The following KCNMA1 variants were observed in gnomAD, a reference collection of about 807,000 sequenced individuals.
KCNMA1 encodes potassium calcium-activated channel subfamily M alpha 1, also known as Calcium-activated potassium channel subunit alpha-1.
Under a neutral mutation model 140.0 loss-of-function variants are expected in KCNMA1, and 29 were observed. The observed-to-expected ratio is 0.21, with a 90% confidence interval of 0.15 to 0.28. The LOEUF is 0.28. Ranked by LOEUF, KCNMA1 falls within the 10% of genes least tolerant of loss-of-function variation. KCNMA1 has a pLI of 1.00. For synonymous variants in KCNMA1, 612 were observed against 611.9 expected (o/e 1.00, Z 0.00); for missense variants, 880 against 1,602.2 (o/e 0.55, Z 7.70).
chr10:77,516,054 C>G (rs991730883), intron 1 of KCNMA1, among the ~76,000 whole-genome samples: 2 of 152,200 alleles, frequency 1.3e-5, no homozygotes, highest in Admixed American at 1.3e-4. Context: ...TGAGCACTGG[C>G]CTATACCAGG....
chr10:77,386,382 T>A (rs531088846), intron 2 of KCNMA1, among the ~76,000 whole-genome samples: 1 of 152,230 alleles, frequency 6.6e-6, no homozygotes, highest in African/African-American at 2.4e-5. Flanking sequence ...ATTCCCATTA[T>A]GCTGGAAGGG....
Position 76,988,876 on chromosome 10 carries a change from C to A in KCNMA1, c.2266+12531G>T, listed in dbSNP as rs115180852. On this transcript the variant is annotated intron_variant, in intron 19 of 27. Coordinates refer to ENST00000286628, the MANE Select transcript of KCNMA1 (RefSeq NM_001161352.2). ...ATCCATCAAATCTGTACTATTCCAA[C>A]TAGGAAGCCTCTTTTGCCTGGAGAT... 4.7e-3 allele frequency among the ~76,000 whole-genome samples: 715 copies of A among 152,312 alleles called. 8 individuals are homozygous for A. The highest frequency in any genetic ancestry group is 0.016 in the African/African-American group (684 of 41,574).
At chr10:77,122,181 G>C (rs144257215) in intron 5 of KCNMA1, among the ~76,000 whole-genome samples, 2 of 152,108 alleles carry the variant, frequency 1.3e-5, no homozygotes, top group African/African-American at 2.4e-5. Context: ...CTAACTGCAC[G>C]CAACGTGGAG....
chr10:77,039,732 A>G (rs2094539841), intron 14 of KCNMA1, 95 bp from the exon 15 acceptor site: 1 of 771,200 alleles, frequency 1.3e-6, no homozygotes. Context: ...AAATGAATGC[A>G]CTGGTTAGAT....
At chr10:77,217,429 C>G (rs183233145) in intron 3 of KCNMA1, 1 of 445,742 alleles carries the variant, frequency 2.2e-6, no homozygotes. Context: ...TCTCACATGG[C>G]CAACTTCTCC....
chr10:77,146,701 C>CAAAAAAAAAAAAAAAAAAAAA (rs5786266), intron 5 of KCNMA1, among the ~76,000 whole-genome samples: 10 of 64,188 alleles, frequency 1.6e-4, no homozygotes, highest in Non-Finnish European at 2.3e-4. Flanking sequence ...GACTTCATCT[C>CAAAAAAAAAAAAAAAAAAAAA]AAAAAAAAAA....
intron 1 of KCNMA1, among the ~76,000 whole-genome samples, chr10:77,447,712 C>T (rs976527211): frequency 6.6e-6 from 1 of 152,180 alleles, no homozygotes. Context: ...GGATCAAGAA[C>T]AGGGGCTCAT....
chr10:76,927,691 CAACATTGCTGACACCATT>C (rs1276365749), intron 23 of KCNMA1, among the ~76,000 whole-genome samples: 4 of 152,152 alleles, frequency 2.6e-5, no homozygotes, highest in Non-Finnish European at 5.9e-5. Flanking sequence ...CCCACAATTA[CAACATTGCTGACACCATT>C]AACCAGTGAA....
chr10:77,465,640 C>T (rs2097981731), intron 1 of KCNMA1, among the ~76,000 whole-genome samples: 1 of 152,178 alleles, frequency 6.6e-6, no homozygotes, highest in Non-Finnish European at 1.5e-5. Flanking sequence ...TACAAAGCAC[C>T]CTATCGGCAC....
intron 2 of KCNMA1, among the ~76,000 whole-genome samples, chr10:77,349,382 C>A (rs1413731740): frequency 1.3e-5 from 2 of 152,180 alleles, no homozygotes; most frequent in Non-Finnish European, 2.9e-5. Context: ...AATAAATGTG[C>A]TTATCAGCCC....
intron 2 of KCNMA1, among the ~76,000 whole-genome samples, chr10:77,303,061 AC>A (rs1277296543): frequency 6.6e-6 from 1 of 151,892 alleles, no homozygotes; most frequent in Non-Finnish European, 1.5e-5. Flanking sequence ...AAAATTACTA[AC>A]CTCTCTGGCC....
intron 19 of KCNMA1, among the ~76,000 whole-genome samples, chr10:76,984,051 T>A (rs1160832409): frequency 1.3e-5 from 2 of 152,212 alleles, no homozygotes; most frequent in Non-Finnish European, 2.9e-5. Context: ...TGATCAACTT[T>A]TCTGTGAAAA....
rs2052172702 is a variant in KCNMA1 at position 76,915,010 on chromosome 10, T to C, written c.2942A>G (p.Asn981Ser). ...ACGTAACATCCCGTGCACTGGGCTG[T>C]TATCTGGAGAGGATCTATCCATTCC... ...PPGMDRSSPD[N>S]SPVHGMLRQP... The change falls in exon 24 of 28, where the codon AAC (asparagine) becomes AGC (serine). Residue 981 changes from asparagine to serine, a missense_variant. Asn to Ser is a conservative substitution (Grantham distance 46, BLOSUM62 1). Transcript: ENST00000286628. 1 of 1,613,578 alleles carries C rather than the reference T, an allele frequency of 6.2e-7. No individual in the cohort carries two copies. The highest frequency in any genetic ancestry group is 1.3e-5 in the African/African-American group (1 of 74,996).
At chr10:77,496,268 T>C (rs1427721087) in intron 1 of KCNMA1, among the ~76,000 whole-genome samples, 1 of 151,954 alleles carries the variant, frequency 6.6e-6, no homozygotes, top group East Asian at 1.9e-4. Flanking sequence ...TCATGCATGT[T>C]ACAAGGAATG....
chr10:76,914,214 A>C, intron 24 of KCNMA1: 3 of 1,052,820 alleles, frequency 2.8e-6, no homozygotes, highest in Non-Finnish European at 4.3e-6. Flanking sequence ...TGAGGGAATA[A>C]CAGAGGAAAC....
chr10:77,486,008 G>T (rs1357089150), intron 1 of KCNMA1, among the ~76,000 whole-genome samples: 3 of 152,066 alleles, frequency 2.0e-5, no homozygotes, highest in African/African-American at 7.2e-5. Flanking sequence ...CTGCTGTAAG[G>T]TATCCTAGGA....
chr10:77,619,868 G>A (rs1009588982), intron 1 of KCNMA1, among the ~76,000 whole-genome samples: 1 of 152,188 alleles, frequency 6.6e-6, no homozygotes, highest in Non-Finnish European at 1.5e-5. Flanking sequence ...CCAGGAAGGC[G>A]GCATTCCCAG....
chr10:77,606,182 C>A (rs1344375113), intron 1 of KCNMA1, among the ~76,000 whole-genome samples: 12 of 152,178 alleles, frequency 7.9e-5, no homozygotes. Flanking sequence ...GCTGAAATAC[C>A]AGGCTGGCTT....
intron 2 of KCNMA1, among the ~76,000 whole-genome samples, chr10:77,337,699 A>G (rs891638945): frequency 6.6e-6 from 1 of 152,208 alleles, no homozygotes; most frequent in Non-Finnish European, 1.5e-5. Context: ...GTCATGTTTA[A>G]TGCTGTTGAC....
Sources: gnomAD v4.1 joint callset for allele counts (sites outside exome capture counted in the v4.1 genomes callset) on GRCh38, gnomAD v4.1.1 for gene constraint, MANE v1.5 for transcripts, NCBI Gene and HGNC (gene_info 2026-07-23, HGNC 2026-07-21) for gene names.